PHIP: variants seen among roughly 807,000 people sequenced by gnomAD.
The protein encoded by PHIP is PHIP subunit of CUL4-Ring ligase complex, also known as PH-interacting protein.
PHIP carries 54 observed loss-of-function variants against 236.8 expected under a neutral mutation model. The ratio of observed to expected loss-of-function variants is 0.23; its 90% CI spans 0.18 to 0.29. The LOEUF (loss-of-function observed/expected upper bound fraction) is 0.29, where lower values mean the gene tolerates loss of function less well. Ranked by LOEUF, PHIP falls within the 10% of genes least tolerant of loss-of-function variation. The pLI is 1.00. For synonymous variants in PHIP, 756 were observed against 718.9 expected (o/e 1.05, Z -0.83); for missense variants, 1,370 against 2,190.8 (o/e 0.63, Z 7.48).
intron 19 of PHIP, among the ~76,000 whole-genome samples, chr6:78,996,539 T>A (rs549333215): frequency 6.6e-6 from 1 of 152,314 alleles, no homozygotes; most frequent in East Asian, 1.9e-4. Flanking sequence ...TAAACAAGAA[T>A]CTAACTAAAA....
Position 79,015,786 on chromosome 6 carries a change from G to GA in PHIP, c.1236-4dup, listed in dbSNP as rs1157852456. 2 of 1,604,766 alleles carry GA rather than the reference G, an allele frequency of 1.2e-6. No individual in the cohort carries two copies. The highest frequency in any genetic ancestry group is 2.2e-5 in the East Asian group (1 of 44,696). Reference sequence around the variant, plus strand: ...CTTCTATTCCTTGAAGGTTTTGGCTGAAAGTGAGGAAGTGTTTTACACTGA... The same window carrying GA: ...CTTCTATTCCTTGAAGGTTTTGGCTGAAAAGTGAGGAAGTGTTTTACACTGA... On this transcript the variant is annotated splice_region_variant and splice_polypyrimidine_tract_variant and intron_variant, in intron 13 of 39. Transcript: ENST00000275034.
At chr6:79,049,016 GAGA>G (rs1772652203) in intron 6 of PHIP, among the ~76,000 whole-genome samples, 1 of 152,018 alleles carries the variant, frequency 6.6e-6, no homozygotes, top group African/African-American at 2.4e-5. Context: ...AGTATTTTAT[GAGA>G]AGGTTTTCAT....
chr6:78,961,419 A>G (rs1766768499), intron 31 of PHIP, among the ~76,000 whole-genome samples: 3 of 152,248 alleles, frequency 2.0e-5, no homozygotes, highest in South Asian at 4.1e-4. Flanking sequence ...AAATCATGTC[A>G]GCCTCTAGGA....
chr6:78,983,581 T>C (rs543086908), intron 22 of PHIP, among the ~76,000 whole-genome samples: 2 of 152,188 alleles, frequency 1.3e-5, no homozygotes, highest in South Asian at 2.1e-4. Flanking sequence ...ACAGGGGAAC[T>C]CTTATGGTCC....
chr6:79,027,543 G>C (rs539368222), intron 7 of PHIP, among the ~76,000 whole-genome samples: 1 of 152,216 alleles, frequency 6.6e-6, no homozygotes, highest in East Asian at 1.9e-4. Flanking sequence ...TTGTGACTAT[G>C]TGACAACCAC....
intron 4 of PHIP, among the ~76,000 whole-genome samples, chr6:79,073,352 CAT>C (rs1489068324): frequency 6.6e-6 from 1 of 152,062 alleles, no homozygotes; most frequent in Non-Finnish European, 1.5e-5. Context: ...TTATAACGAC[CAT>C]ATGAGATTAA....
In PHIP at chr6:78,997,567, G is replaced by A; in HGVS notation, c.2048C>T (p.Ser683Leu). ...ACGTCTTAGTCCTACGTTTGGTGGT[G>A]AATGAACCTCTGAGGTAGAACTTAT... ...GSISSTSEVH[S>L]PPNVGLRRSG... is the part of the protein sequence containing the mutation. The change falls in exon 19 of 40, where the codon TCA becomes TTA. Residue 683 changes from serine (S) to leucine (L), a missense_variant. By Grantham distance (145) the Ser-to-Leu change is moderately radical. Transcript: ENST00000275034. The A allele has an allele frequency of 1.2e-6, 2 of 1,613,622 alleles. No homozygotes were observed. The highest frequency in any genetic ancestry group is 1.7e-6 in the Non-Finnish European group (2 of 1,179,688).
chr6:78,946,844 A>G lies in PHIP; in HGVS notation c.4237T>C (p.Phe1413Leu). Residue 1413 changes from phenylalanine to leucine, a missense_variant, in exon 37 of 40, where the codon TTC becomes CTC. Around this residue, in one of 14 missense-constraint regions of PHIP, gnomAD observed 125 missense variants for 235.1 expected, o/e 0.53. Transcript: ENST00000275034. Reference protein sequence around the residue: ...IYSMSLRLSAFFEEHISSVLS... With the variant: ...IYSMSLRLSALFEEHISSVLS... The stretch of plus-strand genomic sequence containing the variant: ...ACTGAACTAATGTGTTCTTCAAAGA[A>G]AGCAGACAGGCGCAAACTCATGCTG... 1 of 1,582,412 alleles carries G rather than the reference A, an allele frequency of 6.3e-7. No individual in the cohort carries two copies. The highest frequency in any genetic ancestry group is 8.6e-7 in the Non-Finnish European group (1 of 1,168,680).
intron 15 of PHIP, among the ~76,000 whole-genome samples, chr6:79,011,042 T>C (rs1770548361): frequency 6.6e-6 from 1 of 151,898 alleles, no homozygotes; most frequent in Non-Finnish European, 1.5e-5. Flanking sequence ...TGGGAATTAT[T>C]TATCTGCCTT....
chr6:78,959,859 T>G (rs1238589650), intron 31 of PHIP, among the ~76,000 whole-genome samples: 2 of 152,286 alleles, frequency 1.3e-5, no homozygotes, highest in African/African-American at 2.4e-5. Context: ...AAAATACCAT[T>G]AAGTCAAAAA....
intron 20 of PHIP, among the ~76,000 whole-genome samples, chr6:78,989,525 A>C (rs1248179287): frequency 1.3e-5 from 2 of 152,196 alleles, no homozygotes; most frequent in Non-Finnish European, 2.9e-5. Context: ...AATCGAAAAT[A>C]ACCAATTAAA....
intron 7 of PHIP, among the ~76,000 whole-genome samples, chr6:79,037,428 TA>T (rs976452542): frequency 6.6e-6 from 1 of 152,236 alleles, no homozygotes; most frequent in African/African-American, 2.4e-5. Context: ...CTAGTGAAGT[TA>T]ACATGGTTAC....
intron 15 of PHIP, among the ~76,000 whole-genome samples, chr6:79,011,172 C>T (rs908271857): frequency 6.6e-5 from 10 of 151,790 alleles, no homozygotes; most frequent in African/African-American, 1.9e-4. Context: ...AAGTTATACC[C>T]AACTATTATA....
intron 9 of PHIP, among the ~76,000 whole-genome samples, chr6:79,021,454 G>A (rs901805275): frequency 6.6e-6 from 1 of 152,184 alleles, no homozygotes; most frequent in African/African-American, 2.4e-5. Context: ...CGCCACAATA[G>A]TGAAGATTTG....
chr6:78,954,852 C>G lies in PHIP; in HGVS notation c.4015G>C (p.Glu1339Gln), dbSNP rs757641076. The G allele has an allele frequency of 1.3e-6, 2 of 1,582,488 alleles. No individual in the cohort carries two copies. The highest frequency in any genetic ancestry group is 1.7e-6 in the Non-Finnish European group (2 of 1,169,656). Residue 1339 changes from glutamate to glutamine, a missense_variant, in exon 35 of 40, where the codon GAG becomes CAG. Glu to Gln is a conservative substitution (Grantham distance 29). Transcript: ENST00000275034. ...AGATCTACCGGCTGACGGAAAGGCT[C>G]TGAATCTTCACATTGAAATATGAGA... is the stretch of plus-strand genomic sequence containing the variant. ...LNLIFQCEDS[E>Q]PFRQPVDLLE...
At chr6:79,060,166 T>C (rs560565225) in intron 6 of PHIP, among the ~76,000 whole-genome samples, 3 of 152,058 alleles carry the variant, frequency 2.0e-5, no homozygotes, top group Admixed American at 6.5e-5. Flanking sequence ...CCTACCATTA[T>C]AACTAATCTG....
chr6:79,001,875 T>C lies in PHIP; in HGVS notation c.1879+24A>G, dbSNP rs201015257. ...GTTCGGTGGGAAGAAGAAAATTTGA[T>C]TGTCTAAGAAAATGAGCACCTACCT... On this transcript the variant is annotated intron_variant, in intron 17 of 39. Transcript: ENST00000275034. The C allele has an allele frequency of 3.1e-4, 464 of 1,482,530 alleles. 2 individuals carry two copies. Among genetic ancestry groups the C allele is most frequent in the Non-Finnish European group, 1.2e-4 (129 of 1,061,054 alleles). 91.8% of individuals were successfully genotyped at this position (1,482,530 alleles called of 1,614,324 possible).
At chr6:79,044,262 T>C (rs940045141) in intron 6 of PHIP, among the ~76,000 whole-genome samples, 17 of 152,128 alleles carry the variant, frequency 1.1e-4, no homozygotes, top group Admixed American at 1.1e-3. Context: ...GCTGTTAGCA[T>C]GTAAGTTCTA....
chr6:78,992,764 T>C (rs1769349007), intron 19 of PHIP, among the ~76,000 whole-genome samples: 1 of 152,172 alleles, frequency 6.6e-6, no homozygotes, highest in Non-Finnish European at 1.5e-5. Context: ...TAACTAGCCA[T>C]TGCCCCATCT....
Sources: gnomAD v4.1 joint callset for allele counts (sites outside exome capture counted in the v4.1 genomes callset) on GRCh38, gnomAD v4.1.1 for gene constraint, gnomAD v4.1.1 regional missense constraint, MANE v1.5 for transcripts, NCBI Gene and HGNC (gene_info 2026-07-23, HGNC 2026-07-21) for gene names.